The following CLSTN2 variants were observed in gnomAD, a reference collection of about 807,000 sequenced individuals.
CLSTN2 encodes calsyntenin 2.
Under a neutral mutation model 101.2 loss-of-function variants are expected in CLSTN2, and 48 were observed. That is an observed-to-expected ratio of 0.47 (90% CI 0.38 to 0.60). CLSTN2 has a LOEUF of 0.60. Among genes scored for constraint, CLSTN2 ranks in the 20% least tolerant of loss-of-function variants. The pLI is 0.00. For synonymous variants in CLSTN2, 481 were observed against 463.6 expected (o/e 1.04, Z -0.48); for missense variants, 1,160 against 1,238.2 (o/e 0.94, Z 0.95).
At chr3:140,546,427 C>A in intron 9 of CLSTN2, 88 bp from the exon 10 acceptor site, 1 of 1,354,114 alleles carries the variant, frequency 7.4e-7, no homozygotes, top group East Asian at 2.3e-5. Flanking sequence ...ACAATCAAGG[C>A]GTCTTTGGCT....
intron 1 of CLSTN2, among the ~76,000 whole-genome samples, chr3:140,088,985 TA>T (rs1338648273): frequency 2.6e-5 from 4 of 151,398 alleles, no homozygotes; most frequent in African/African-American, 9.7e-5. Flanking sequence ...AAAATGCATG[TA>T]AAAAAATTTA....
At chr3:140,073,745 C>T (rs955536025) in intron 1 of CLSTN2, among the ~76,000 whole-genome samples, 3 of 152,202 alleles carry the variant, frequency 2.0e-5, no homozygotes, top group African/African-American at 7.2e-5. Flanking sequence ...GATGTTTTCA[C>T]GCACTTCCCT....
At chr3:140,070,081 G>A (rs2008365615) in intron 1 of CLSTN2, among the ~76,000 whole-genome samples, 1 of 152,212 alleles carries the variant, frequency 6.6e-6, no homozygotes, top group Non-Finnish European at 1.5e-5. Flanking sequence ...GAGCAGGTCA[G>A]TGGCTCTCAC....
At chr3:140,311,511 C>T (rs1435122628) in intron 2 of CLSTN2, among the ~76,000 whole-genome samples, 2 of 149,416 alleles carry the variant, frequency 1.3e-5, no homozygotes, top group East Asian at 2.0e-4. Flanking sequence ...GGGGTTTCAC[C>T]ATGTTGGCCA....
chr3:139,960,702 G>C (rs1265086379), intron 1 of CLSTN2, among the ~76,000 whole-genome samples: 1 of 152,180 alleles, frequency 6.6e-6, no homozygotes, highest in Non-Finnish European at 1.5e-5. Flanking sequence ...GTTCAACCAT[G>C]TTAGAATATT....
intron 1 of CLSTN2, among the ~76,000 whole-genome samples, chr3:139,998,335 C>CTTTTTTTTTTTTTTTTTTTTTTTTTTT (rs1290360293): frequency 4.9e-5 from 1 of 20,404 alleles, no homozygotes; most frequent in Non-Finnish European, 7.8e-5. Context: ...CCCCCACATG[C>CTTTTTTTTTTTTTTTTTTTTTTTTTTT]CTTTTTTTTT....
intron 2 of CLSTN2, among the ~76,000 whole-genome samples, chr3:140,351,295 T>C (rs1442155761): frequency 1.3e-5 from 2 of 152,160 alleles, no homozygotes; most frequent in South Asian, 2.1e-4. Context: ...AGAACTGAGA[T>C]TTTATAGTCT....
At chr3:140,465,628 T>G (rs1008624836) in intron 7 of CLSTN2, among the ~76,000 whole-genome samples, 1 of 152,242 alleles carries the variant, frequency 6.6e-6, no homozygotes, top group African/African-American at 2.4e-5. Context: ...GCATGGTATA[T>G]ACAGGATGTA....
At chr3:139,977,478 A>G (rs1243283622) in intron 1 of CLSTN2, among the ~76,000 whole-genome samples, 1 of 148,050 alleles carries the variant, frequency 6.8e-6, no homozygotes, top group African/African-American at 2.5e-5. Flanking sequence ...ATCTTGAGTA[A>G]AATAAGGGCA....
At chr3:139,974,691 T>C (rs1935780803) in intron 1 of CLSTN2, among the ~76,000 whole-genome samples, 1 of 152,228 alleles carries the variant, frequency 6.6e-6, no homozygotes, top group Non-Finnish European at 1.5e-5. Flanking sequence ...GAAATGAGCT[T>C]TTATGGGGAT....
chr3:139,994,361 T>C (rs1271863173), intron 1 of CLSTN2, among the ~76,000 whole-genome samples: 4 of 152,222 alleles, frequency 2.6e-5, no homozygotes, highest in African/African-American at 7.2e-5. Flanking sequence ...TCCATGTCCA[T>C]ATCACTTAAT....
intron 1 of CLSTN2, among the ~76,000 whole-genome samples, chr3:140,002,815 A>C (rs987684511): frequency 6.6e-6 from 1 of 152,086 alleles, no homozygotes; most frequent in Admixed American, 6.5e-5. Flanking sequence ...TTTTGAAGAG[A>C]CTGTATTTTC....
At chr3:140,484,004 TA>T (rs1319413067) in intron 8 of CLSTN2, among the ~76,000 whole-genome samples, 18 of 152,310 alleles carry the variant, frequency 1.2e-4, no homozygotes, top group Non-Finnish European at 2.2e-4. Flanking sequence ...ATCCTGTCAT[TA>T]TGATGTTAGC....
chr3:140,145,704 C>T (rs1441523811), intron 1 of CLSTN2, among the ~76,000 whole-genome samples: 1 of 152,194 alleles, frequency 6.6e-6, no homozygotes, highest in African/African-American at 2.4e-5. Context: ...AACATATTTC[C>T]AGCTTTTTCT....
At chr3:140,537,165 G>A (rs1019553205) in intron 9 of CLSTN2, among the ~76,000 whole-genome samples, 3 of 152,154 alleles carry the variant, frequency 2.0e-5, no homozygotes, top group Non-Finnish European at 4.4e-5. Flanking sequence ...AGGTTGGCAA[G>A]GGAACTAGCT....
At chr3:140,254,402 A>G (rs554051385) in intron 2 of CLSTN2, among the ~76,000 whole-genome samples, 1 of 152,304 alleles carries the variant, frequency 6.6e-6, no homozygotes, top group Non-Finnish European at 1.5e-5. Context: ...ATATTTGCAT[A>G]TGTGCATTTG....
chr3:140,416,580 CTACCACTCGTATGTGTG>C (rs1156555808), intron 4 of CLSTN2, among the ~76,000 whole-genome samples: 1 of 152,236 alleles, frequency 6.6e-6, no homozygotes, highest in Non-Finnish European at 1.5e-5. Context: ...ACACTTGCAT[CTACCACTCGTATGTGTG>C]TGTCTGTGTG....
At chr3:140,330,578 C>A (rs1286547305) in intron 2 of CLSTN2, among the ~76,000 whole-genome samples, 1 of 152,156 alleles carries the variant, frequency 6.6e-6, no homozygotes, top group Non-Finnish European at 1.5e-5. Flanking sequence ...TTCCTGAGGT[C>A]ACCTCCCAAG....
intron 2 of CLSTN2, among the ~76,000 whole-genome samples, chr3:140,329,861 A>G (rs1157273157): frequency 6.6e-6 from 1 of 152,200 alleles, no homozygotes; most frequent in Non-Finnish European, 1.5e-5. Flanking sequence ...TAAAATATTA[A>G]AAGTTAAGTA....
Sources: allele counts gnomAD v4.1 joint callset (sites outside exome capture counted in the v4.1 genomes callset), GRCh38; gene constraint gnomAD v4.1.1; transcripts MANE v1.5; gene names NCBI Gene and HGNC (gene_info 2026-07-23, HGNC 2026-07-21).